Variants in LYPLAL1 observed in about 807,000 individuals in gnomAD.
The protein encoded by LYPLAL1 is lysophospholipase like 1.
In LYPLAL1, 23 loss-of-function variants were observed where a neutral mutation model predicts 19.7. That is an observed-to-expected ratio of 1.17 (90% CI 0.84 to 1.65). LYPLAL1 has a LOEUF of 1.65. Ranked by LOEUF, LYPLAL1 falls within the 40% of genes most tolerant of loss-of-function variation. LYPLAL1 has a pLI of 0.00. For missense variants in LYPLAL1, 355 were observed against 279.4 expected (o/e 1.27, Z -1.93); for synonymous variants, 119 against 96.3 (o/e 1.24, Z -1.38).
At chr1:219,227,290 G>T in the LYPLAL1 span, among the ~76,000 whole-genome samples, 1 of 152,148 alleles carries the variant, frequency 6.6e-6, no homozygotes, top group Non-Finnish European at 1.5e-5. Context: ...TTTCAGAATT[G>T]TCTTTACTGA....
At chr1:219,342,090 T>C in the LYPLAL1 span, among the ~76,000 whole-genome samples, 2 of 152,276 alleles carry the variant, frequency 1.3e-5, no homozygotes, top group East Asian at 3.9e-4. Context: ...CACCTTGTGG[T>C]TAATAATTTT....
intron 2 of LYPLAL1, among the ~76,000 whole-genome samples, chr1:219,191,705 T>C (rs1445345608): frequency 6.6e-6 from 1 of 151,406 alleles, no homozygotes; most frequent in Non-Finnish European, 1.5e-5. Context: ...ATGAATAAGA[T>C]TGACATGAAA....
rs377207165 is a variant in LYPLAL1 at position 219,173,915 on chromosome 1, C to T, written c.25C>T (p.Leu9=). The T allele has an allele frequency of 2.5e-6, 4 of 1,613,470 alleles. No homozygotes were observed. Among genetic ancestry groups the T allele is most frequent in the South Asian group, 2.2e-5 (2 of 91,084 alleles). The change falls in exon 1 of 5, where the codon CTG becomes TTG. Residue 9 remains leucine (L), a synonymous_variant. Coordinates refer to ENST00000366928, the MANE Select transcript of LYPLAL1 (RefSeq NM_138794.5). Reference sequence around the variant, plus strand: ...GATGGCGGCTGCGTCGGGGTCGGTTCTGCAGCGCTGTATCGTGTCGCCGGC... The same window carrying T: ...GATGGCGGCTGCGTCGGGGTCGGTTTTGCAGCGCTGTATCGTGTCGCCGGC... MAAASGSV[L]QRCIVSPAGR... is the part of the protein sequence containing the mutation.
At chr1:219,378,815 A>C in the LYPLAL1 span, among the ~76,000 whole-genome samples, 1 of 152,146 alleles carries the variant, frequency 6.6e-6, no homozygotes, top group Non-Finnish European at 1.5e-5. Flanking sequence ...GAGGAGAGTA[A>C]AGATAGACAA....
the LYPLAL1 span, among the ~76,000 whole-genome samples, chr1:219,303,905 G>C: frequency 6.6e-6 from 1 of 152,132 alleles, no homozygotes; most frequent in African/African-American, 2.4e-5. Context: ...TTCCAACCTA[G>C]GGATATGATT....
chr1:219,201,926 T>C (rs1240561456), intron 3 of LYPLAL1, among the ~76,000 whole-genome samples: 5 of 152,196 alleles, frequency 3.3e-5, no homozygotes, highest in South Asian at 2.1e-4. Context: ...TTTGTTGCAG[T>C]TTTTTGTTGT....
At chr1:219,218,031 T>G in the LYPLAL1 span, among the ~76,000 whole-genome samples, 2 of 152,038 alleles carry the variant, frequency 1.3e-5, no homozygotes, top group Admixed American at 1.3e-4. Flanking sequence ...CAGGCTTTAT[T>G]ACTTTATAAT....
chr1:219,353,501 A>G, the LYPLAL1 span, among the ~76,000 whole-genome samples: 1 of 152,346 alleles, frequency 6.6e-6, no homozygotes, highest in South Asian at 2.1e-4. Context: ...GAATGTAGAC[A>G]CTTTCTAGAA....
At chr1:219,436,195 G>C in the LYPLAL1 span, among the ~76,000 whole-genome samples, 2 of 152,194 alleles carry the variant, frequency 1.3e-5, no homozygotes, top group Admixed American at 1.3e-4. Context: ...GGCCCTCGCA[G>C]GCCCTGGAAG....
At chr1:219,353,549 GTAAAC>G in the LYPLAL1 span, among the ~76,000 whole-genome samples, 1 of 152,210 alleles carries the variant, frequency 6.6e-6, no homozygotes, top group Non-Finnish European at 1.5e-5. Flanking sequence ...GACCTCAGGA[GTAAAC>G]TAAACTAGCT....
chr1:219,203,224 TAGG>T (rs1219612516), intron 3 of LYPLAL1, among the ~76,000 whole-genome samples: 1 of 152,130 alleles, frequency 6.6e-6, no homozygotes, highest in Non-Finnish European at 1.5e-5. Context: ...TTGATGTAGA[TAGG>T]AGCCCATTCT....
intron 3 of LYPLAL1, among the ~76,000 whole-genome samples, chr1:219,198,280 C>G (rs1056211507): frequency 2.0e-5 from 3 of 148,956 alleles, no homozygotes; most frequent in African/African-American, 7.4e-5. Flanking sequence ...TTATAGGCAC[C>G]AAAAAAGAAA....
the LYPLAL1 span, among the ~76,000 whole-genome samples, chr1:219,350,240 G>A: frequency 2.0e-5 from 3 of 152,010 alleles, no homozygotes; most frequent in African/African-American, 4.8e-5. Flanking sequence ...CCACATGCAT[G>A]CCCTGCCACA....
At chr1:219,391,063 C>T in the LYPLAL1 span, among the ~76,000 whole-genome samples, 59 of 152,118 alleles carry the variant, frequency 3.9e-4, 1 homozygote, top group African/African-American at 1.2e-3. Flanking sequence ...AATCTTTTAC[C>T]GAAGTCAGTT....
the LYPLAL1 span, among the ~76,000 whole-genome samples, chr1:219,395,047 A>G: frequency 6.6e-6 from 1 of 152,160 alleles, no homozygotes; most frequent in Admixed American, 6.5e-5. Flanking sequence ...AAACTGATTT[A>G]ATGTCTTTGC....
the LYPLAL1 span, among the ~76,000 whole-genome samples, chr1:219,359,627 A>G: frequency 1.3e-5 from 2 of 152,210 alleles, no homozygotes; most frequent in Admixed American, 1.3e-4. Flanking sequence ...TAAAATAAAC[A>G]TGGAGTGCAT....
chr1:219,333,139 A>T, the LYPLAL1 span, among the ~76,000 whole-genome samples: 1 of 152,086 alleles, frequency 6.6e-6, no homozygotes, highest in Non-Finnish European at 1.5e-5. Flanking sequence ...ACGTGTGATT[A>T]GACTGGGACC....
chr1:219,258,629 C>T, the LYPLAL1 span, among the ~76,000 whole-genome samples: 1 of 151,974 alleles, frequency 6.6e-6, no homozygotes, highest in Admixed American at 6.6e-5. Flanking sequence ...TACATTATGT[C>T]ATTACTAATA....
chr1:219,419,578 C>G, the LYPLAL1 span, among the ~76,000 whole-genome samples: 1 of 121,766 alleles, frequency 8.2e-6, no homozygotes, highest in African/African-American at 3.4e-5. Context: ...CACACACACA[C>G]ACACACACAC....
Sources: gnomAD v4.1 joint callset for allele counts (sites outside exome capture counted in the v4.1 genomes callset) on GRCh38, gnomAD v4.1.1 for gene constraint, MANE v1.5 for transcripts, NCBI Gene and HGNC (gene_info 2026-07-23, HGNC 2026-07-21) for gene names.